Variants in ADORA2B observed in about 807,000 individuals in gnomAD.
ADORA2B encodes adenosine receptor A2b.
ADORA2B carries 18 observed loss-of-function variants against 20.8 expected under a neutral mutation model. The ratio of observed to expected loss-of-function variants is 0.87; its 90% CI spans 0.60 to 1.29. ADORA2B has a LOEUF of 1.29. ADORA2B is among the 50% of genes most tolerant of loss of function. The probability of loss-of-function intolerance (pLI) is 0.00; values close to 1 mark genes in which losing one functional copy is unlikely to be tolerated. For synonymous variants in ADORA2B, 179 were observed against 178.3 expected (o/e 1.00, Z -0.03); for missense variants, 441 against 422.7 (o/e 1.04, Z -0.38).
At chr17:15,908,929 T>C in the ADORA2B span, among the ~76,000 whole-genome samples, 1 of 152,104 alleles carries the variant, frequency 6.6e-6, no homozygotes, top group Non-Finnish European at 1.5e-5. Context: ...CTAATTACAT[T>C]GGGTGAATGA....
At chr17:15,950,220 G>T (rs1432528758) in intron 1 of ADORA2B, among the ~76,000 whole-genome samples, 1 of 152,176 alleles carries the variant, frequency 6.6e-6, no homozygotes, top group Non-Finnish European at 1.5e-5. Context: ...TGAAGGTGGA[G>T]GCCACAGCCA....
chr17:15,881,650 G>C, the ADORA2B span, among the ~76,000 whole-genome samples: 4 of 152,142 alleles, frequency 2.6e-5, no homozygotes, highest in Non-Finnish European at 5.9e-5. Flanking sequence ...ACCCATTCTG[G>C]GCACCTCATA....
chr17:15,962,649 A>G (rs1330459881), intron 1 of ADORA2B, among the ~76,000 whole-genome samples: 2 of 152,148 alleles, frequency 1.3e-5, no homozygotes, highest in Non-Finnish European at 2.9e-5. Flanking sequence ...CTGTGGCCTC[A>G]GCCTCCTGAG....
At chr17:15,937,857 G>A in the ADORA2B span, among the ~76,000 whole-genome samples, 1 of 152,220 alleles carries the variant, frequency 6.6e-6, no homozygotes, top group African/African-American at 2.4e-5. Flanking sequence ...ACAGGCGTGA[G>A]CGACCATGCC....
upstream of ADORA2B, among the ~76,000 whole-genome samples, chr17:15,940,156 TAGAA>T (rs1341017860): frequency 6.6e-6 from 1 of 152,174 alleles, no homozygotes; most frequent in Non-Finnish European, 1.5e-5. Context: ...ACAGAATAAA[TAGAA>T]AGCAAAGTCT....
At chr17:15,947,537 T>C (rs1969823563) in intron 1 of ADORA2B, among the ~76,000 whole-genome samples, 1 of 152,220 alleles carries the variant, frequency 6.6e-6, no homozygotes, top group African/African-American at 2.4e-5. Context: ...GGAAGAACAC[T>C]GAGGCTCGCC....
chr17:15,940,795 G>A (rs55744441), upstream of ADORA2B, among the ~76,000 whole-genome samples: 1,086 of 152,318 alleles, frequency 7.1e-3, 8 homozygotes, highest in Middle Eastern at 0.031. Context: ...TTGGTGTAGG[G>A]TAGCAAGTGA....
At chr17:15,866,692 C>CCG in the ADORA2B span, among the ~76,000 whole-genome samples, 44 of 100,346 alleles carry the variant, frequency 4.4e-4, no homozygotes, top group Admixed American at 6.6e-4. Flanking sequence ...TCTCCCTCTG[C>CCG]CTCTGCCTCT....
the ADORA2B span, among the ~76,000 whole-genome samples, chr17:15,857,617 A>G: frequency 3.3e-5 from 5 of 152,126 alleles, no homozygotes; most frequent in Non-Finnish European, 7.4e-5. Context: ...GATGTGAGAC[A>G]TGGAGTCAAG....
chr17:15,939,749 T>C, the ADORA2B span, among the ~76,000 whole-genome samples: 1 of 149,610 alleles, frequency 6.7e-6, no homozygotes, highest in Admixed American at 6.8e-5. Context: ...TAGTCCCAGC[T>C]ACTTGGGAGG....
At chr17:15,919,406 A>T in the ADORA2B span, among the ~76,000 whole-genome samples, 1 of 152,176 alleles carries the variant, frequency 6.6e-6, no homozygotes, top group South Asian at 2.1e-4. Context: ...CCTTAGAGAA[A>T]CACCTCTCCA....
the ADORA2B span, among the ~76,000 whole-genome samples, chr17:15,881,258 C>T: frequency 7.9e-5 from 12 of 152,106 alleles, no homozygotes; most frequent in African/African-American, 2.2e-4. Context: ...TGCACCACCA[C>T]GCCTGGCTAA....
chr17:15,944,042 G>A (rs758956487), upstream of ADORA2B, among the ~76,000 whole-genome samples: 20 of 152,100 alleles, frequency 1.3e-4, no homozygotes, highest in Non-Finnish European at 2.5e-4. This position sits in a 1 kb window ranked among gnomAD's most constrained non-coding sequence, Gnocchi z 4.8. Context: ...GGACTTTGGG[G>A]GTAAAAGGAA....
At chr17:15,944,317 T>C (rs1969770295), upstream of ADORA2B, among the ~76,000 whole-genome samples, 1 of 151,948 alleles carries the variant, frequency 6.6e-6, no homozygotes, top group African/African-American at 2.4e-5. The surrounding 1 kb of genome is among the most constrained non-coding windows in gnomAD (Gnocchi z 4.8). Flanking sequence ...AGGAGGCTGT[T>C]AGGGCTGAAG....
chr17:15,881,348 GC>G, the ADORA2B span, among the ~76,000 whole-genome samples: 2 of 152,194 alleles, frequency 1.3e-5, no homozygotes, highest in Non-Finnish European at 2.9e-5. Context: ...TGATCCATCT[GC>G]CTCGGCCTCC....
At chr17:15,932,196 AT>A in the ADORA2B span, among the ~76,000 whole-genome samples, 1 of 152,056 alleles carries the variant, frequency 6.6e-6, no homozygotes. Context: ...TTTTGGTGTC[AT>A]AGTTAAGAAA....
At chr17:15,882,890 C>T in the ADORA2B span, among the ~76,000 whole-genome samples, 1 of 152,184 alleles carries the variant, frequency 6.6e-6, no homozygotes, top group Admixed American at 6.5e-5. Flanking sequence ...CATGACACCA[C>T]CCAACACCAA....
At chr17:15,941,717 G>C (rs1007543233), upstream of ADORA2B, among the ~76,000 whole-genome samples, 5 of 141,612 alleles carry the variant, frequency 3.5e-5, no homozygotes, top group Non-Finnish European at 6.0e-5. Flanking sequence ...GACAGAGTGA[G>C]ACTCTTGTTT....
the ADORA2B span, among the ~76,000 whole-genome samples, chr17:15,869,053 C>T: frequency 8.7e-4 from 131 of 151,278 alleles, no homozygotes; most frequent in Non-Finnish European, 1.6e-3. Flanking sequence ...GGCACAGTGG[C>T]TCATGCCTGC....
Sources: gnomAD v4.1 joint callset for allele counts (sites outside exome capture counted in the v4.1 genomes callset) on GRCh38, gnomAD v4.1.1 for gene constraint, Gnocchi (gnomAD v3.1) non-coding constraint, MANE v1.5 for transcripts, NCBI Gene and HGNC (gene_info 2026-07-23, HGNC 2026-07-21) for gene names.